CTNNA3: variants seen among roughly 807,000 people sequenced by gnomAD.
CTNNA3 encodes catenin alpha-3.
Under a neutral mutation model 95.7 loss-of-function variants are expected in CTNNA3, and 76 were observed. The observed-to-expected ratio is 0.79, with a 90% CI of 0.66 to 0.96. The LOEUF (loss-of-function observed/expected upper bound fraction) is 0.96. CTNNA3 is among the 40% of genes least tolerant of loss of function. The pLI, the probability that CTNNA3 is intolerant of heterozygous loss-of-function variation, is 0.00. For missense variants in CTNNA3, 1,191 were observed against 1,089.8 expected (o/e 1.09, Z -1.31); for synonymous variants, 431 against 374.4 (o/e 1.15, Z -1.74).
chr10:66,369,616 G>A (rs2092738004), intron 12 of CTNNA3, among the ~76,000 whole-genome samples: 1 of 152,096 alleles, frequency 6.6e-6, no homozygotes, highest in Admixed American at 6.6e-5. Context: ...ATTTACCCAT[G>A]CATGATAAAC....
At chr10:67,027,302 T>C (rs1284640088) in intron 7 of CTNNA3, among the ~76,000 whole-genome samples, 2 of 152,216 alleles carry the variant, frequency 1.3e-5, no homozygotes, top group Admixed American at 1.3e-4. Context: ...TGGAACTCAC[T>C]GAAAGTTTTA....
chr10:66,538,379 G>A (rs1268531833), intron 10 of CTNNA3, among the ~76,000 whole-genome samples: 11 of 152,112 alleles, frequency 7.2e-5, no homozygotes, highest in African/African-American at 2.7e-4. Context: ...TGCTTTTTCT[G>A]GGGAAGATAT....
chr10:67,749,931 G>A (rs890644985), intron 1 of CTNNA3, among the ~76,000 whole-genome samples: 7 of 152,062 alleles, frequency 4.6e-5, no homozygotes, highest in Non-Finnish European at 1.0e-4. Context: ...ACCCGCTTGG[G>A]TCCCCTTCCA....
At chr10:66,455,611 G>C (rs1297633152) in intron 11 of CTNNA3, among the ~76,000 whole-genome samples, 1 of 152,160 alleles carries the variant, frequency 6.6e-6, no homozygotes, top group Non-Finnish European at 1.5e-5. Context: ...AGAGAGTTCT[G>C]AGTAACCCAC....
chr10:67,193,285 T>C (rs1272285464), intron 6 of CTNNA3, among the ~76,000 whole-genome samples: 1 of 152,066 alleles, frequency 6.6e-6, no homozygotes, highest in African/African-American at 2.4e-5. Flanking sequence ...GTACCTTTAA[T>C]ATATACCTTC....
At chr10:66,006,027 T>C (rs559211763) in intron 15 of CTNNA3, among the ~76,000 whole-genome samples, 1 of 150,672 alleles carries the variant, frequency 6.6e-6, no homozygotes, top group East Asian at 2.0e-4. Context: ...TTTTTTTTTT[T>C]TCCGAGAGGG....
At chr10:67,693,716 T>A (rs1840912661) in intron 1 of CTNNA3, among the ~76,000 whole-genome samples, 1 of 152,192 alleles carries the variant, frequency 6.6e-6, no homozygotes, top group South Asian at 2.1e-4. Context: ...ATATCTCTAA[T>A]CTCTCCACTT....
chr10:66,328,996 G>T (rs1367788144), intron 12 of CTNNA3, among the ~76,000 whole-genome samples: 1 of 146,490 alleles, frequency 6.8e-6, no homozygotes, highest in Admixed American at 7.0e-5. Flanking sequence ...TGTTGCCCAG[G>T]CTGGAGTGCA....
intron 7 of CTNNA3, among the ~76,000 whole-genome samples, chr10:66,786,655 G>T (rs1476026699): frequency 6.6e-6 from 1 of 152,138 alleles, no homozygotes; most frequent in Non-Finnish European, 1.5e-5. Context: ...AATGAGACAA[G>T]AAACAAAAAT....
chr10:66,162,301 G>T (rs969043607), intron 13 of CTNNA3, among the ~76,000 whole-genome samples: 2 of 152,124 alleles, frequency 1.3e-5, no homozygotes, highest in African/African-American at 4.8e-5. Context: ...TATTACCAGG[G>T]TTGCTTTTCT....
rs566356074 is a variant in CTNNA3, at chr10:66,842,266, A to G, written c.1048-66742T>C. On this transcript the variant is annotated intron_variant, in intron 7 of 17. Transcript: ENST00000433211. Reference sequence around the variant, plus strand: ...CTGCTACTTTCTTAATCTACACATCAACCTTTCAAATAATATATTAGTATT... The same window carrying G: ...CTGCTACTTTCTTAATCTACACATCGACCTTTCAAATAATATATTAGTATT... 9.9e-5 allele frequency among the ~76,000 whole-genome samples: 15 copies of G among 151,820 alleles called. No homozygotes were observed. The South Asian group carries it at 1.5e-3, about 15-fold the overall frequency.
intron 7 of CTNNA3, chr10:67,177,025 GT>G (rs764737804): frequency 2.2e-5 from 10 of 465,060 alleles, no homozygotes; most frequent in African/African-American, 2.0e-4. Flanking sequence ...CACTAAGTGT[GT>G]GGTAATTTGT....
chr10:66,295,858 T>C (rs2091768978), intron 12 of CTNNA3, among the ~76,000 whole-genome samples: 1 of 152,168 alleles, frequency 6.6e-6, no homozygotes, highest in Admixed American at 6.5e-5. Flanking sequence ...TCTGCAGAAG[T>C]GGTAATATGG....
intron 7 of CTNNA3, among the ~76,000 whole-genome samples, chr10:66,872,072 A>T (rs1189261417): frequency 2.0e-5 from 3 of 152,228 alleles, no homozygotes; most frequent in Admixed American, 1.3e-4. Context: ...TTTTATAACA[A>T]AACCCTCCGT....
chr10:66,695,822 G>T (rs1847738079), intron 9 of CTNNA3, among the ~76,000 whole-genome samples: 1 of 146,612 alleles, frequency 6.8e-6, no homozygotes, highest in South Asian at 2.2e-4. Context: ...ATTCTCAAGA[G>T]ACCCACTGCA....
At chr10:66,663,739 T>C (rs1846343636) in intron 9 of CTNNA3, among the ~76,000 whole-genome samples, 1 of 152,202 alleles carries the variant, frequency 6.6e-6, no homozygotes. Flanking sequence ...AGTTCAGTTC[T>C]GTACACCAAG....
chr10:67,372,885 A>G (rs1017537099), intron 5 of CTNNA3, among the ~76,000 whole-genome samples: 1 of 152,168 alleles, frequency 6.6e-6, no homozygotes, highest in Non-Finnish European at 1.5e-5. Context: ...TAAGCTTCAT[A>G]AGTGAAGGAG....
Position 66,564,203 on chromosome 10 carries a change from G to T in CTNNA3, c.1375-43430C>A, listed in dbSNP as rs1176754634. Among the ~76,000 whole-genome samples, 4 of 152,252 alleles carry T rather than the reference G, an allele frequency of 2.6e-5. No individual in the cohort carries two copies. The East Asian group carries it at 7.7e-4, about 29-fold the overall frequency. On this transcript the variant is annotated intron_variant, in intron 10 of 17. Transcript: ENST00000433211. ...TAAGGAAAAGACTTCGCCAAAAGTTGTCTACTTGGTGCTATGTTCATATTT... is the reference window on the plus strand; with the variant it reads ...TAAGGAAAAGACTTCGCCAAAAGTTTTCTACTTGGTGCTATGTTCATATTT...
intron 13 of CTNNA3, among the ~76,000 whole-genome samples, chr10:66,201,760 T>C (rs1219909490): frequency 2.0e-5 from 3 of 151,626 alleles, no homozygotes; most frequent in Non-Finnish European, 2.9e-5. Flanking sequence ...ACTCATTTGA[T>C]TGTTGCTGTC....
Sources: allele counts gnomAD v4.1 joint callset (sites outside exome capture counted in the v4.1 genomes callset), GRCh38; gene constraint gnomAD v4.1.1; transcripts MANE v1.5; gene names NCBI Gene and HGNC (gene_info 2026-07-23, HGNC 2026-07-21).